FHIT: variants seen among roughly 807,000 people sequenced by gnomAD.
The protein encoded by FHIT is bis(5'-adenosyl)-triphosphatase.
Under a neutral mutation model 17.9 loss-of-function variants are expected in FHIT, and 19 were observed. The ratio of observed to expected loss-of-function variants is 1.06; its 90% confidence interval spans 0.74 to 1.56. The LOEUF (loss-of-function observed/expected upper bound fraction) is 1.56, where lower values mean the gene tolerates loss of function less well. Among genes scored for constraint, FHIT ranks in the 40% most tolerant of loss-of-function variants. FHIT has a pLI of 0.00. For missense variants in FHIT, 248 were observed against 189.2 expected (o/e 1.31, Z -1.82); for synonymous variants, 81 against 69.7 (o/e 1.16, Z -0.81).
In FHIT at chr3:60,569,755, A is replaced by ATTTTTTTTT. The variant is rs1553654909; in HGVS notation, c.-17-32785_-17-32777dup. ...TATATATATATATATATATATATATATTTTTTTTTTTTTTAGACAGAGTTT... is the reference window on the plus strand; with the variant it reads ...TATATATATATATATATATATATATATTTTTTTTTTTTTTTTTTTTTTTAGACAGAGTTT... On this transcript the variant is annotated intron_variant, in intron 4 of 9. Transcript: ENST00000492590. Among the ~76,000 whole-genome samples, 141 of 77,312 alleles carry ATTTTTTTTT rather than the reference A, an allele frequency of 1.8e-3. 2 individuals are homozygous for ATTTTTTTTT. Among genetic ancestry groups the ATTTTTTTTT allele is most frequent in the African/African-American group, 6.2e-3 (128 of 20,644 alleles). 50.7% of individuals were successfully genotyped at this position (77,312 alleles called of 152,430 possible).
intron 8 of FHIT, among the ~76,000 whole-genome samples, chr3:59,804,572 G>T (rs565842552): frequency 1.6e-4 from 25 of 152,194 alleles, no homozygotes; most frequent in Admixed American, 7.2e-4. Context: ...AATTTTTGGG[G>T]GTCTAAATAG....
At chr3:60,624,012 G>A (rs1294841596) in intron 4 of FHIT, among the ~76,000 whole-genome samples, 1 of 152,186 alleles carries the variant, frequency 6.6e-6, no homozygotes, top group Non-Finnish European at 1.5e-5. Context: ...AACATGCTAA[G>A]TACAATGTTA....
At chr3:60,995,298 G>T (rs138267183) in intron 3 of FHIT, among the ~76,000 whole-genome samples, 4 of 151,892 alleles carry the variant, frequency 2.6e-5, no homozygotes, top group Non-Finnish European at 4.4e-5. Flanking sequence ...CCAGCCTGGG[G>T]GACAGAGCGA....
At chr3:60,606,323 C>T (rs1215696654) in intron 4 of FHIT, among the ~76,000 whole-genome samples, 4 of 151,854 alleles carry the variant, frequency 2.6e-5, no homozygotes, top group East Asian at 1.9e-4. Context: ...TCACTGCAAC[C>T]TCTGCCTCCC....
Position 60,227,516 on chromosome 3 carries a change from T to C in FHIT, c.104-213364A>G, listed in dbSNP as rs190518650. Among the ~76,000 whole-genome samples the C allele has an allele frequency of 1.6e-4, 25 of 152,316 alleles. 1 individual carries two copies. The highest frequency in any genetic ancestry group is 3.1e-4 in the Non-Finnish European group (21 of 68,026). ...GGAATTTGAGGGCTGTCTTCAAATTTTGTGACACCTGTATTTTTTTCACCT... is the reference window on the plus strand; with the variant it reads ...GGAATTTGAGGGCTGTCTTCAAATTCTGTGACACCTGTATTTTTTTCACCT... On this transcript the variant is annotated intron_variant, in intron 5 of 9. Coordinates refer to ENST00000492590, the MANE Select transcript of FHIT (RefSeq NM_002012.4).
rs555799716 is a variant in FHIT, at chr3:60,169,089, A to T, written c.104-154937T>A. Among the ~76,000 whole-genome samples, 8 of 152,318 alleles carry T rather than the reference A, an allele frequency of 5.3e-5. No homozygotes were observed. The East Asian group carries it at 1.5e-3, about 29-fold the overall frequency. On this transcript the variant is annotated intron_variant, in intron 5 of 9. Transcript: ENST00000492590. Reference sequence around the variant, plus strand: ...AGGATTCTCTTCAACCAAATAAGAAAGTAAGTTTGGGTCAGCACATGCTAT... The same window carrying T: ...AGGATTCTCTTCAACCAAATAAGAATGTAAGTTTGGGTCAGCACATGCTAT...
Position 59,803,263 on chromosome 3 carries a change from C to T in FHIT, c.349-50942G>A, listed in dbSNP as rs565693151. ...CCCTCCCAATTTATAAAGACAGGGA[C>T]GAGGTAAATTTTTTTCCCAAGTTGT... is the stretch of plus-strand genomic sequence containing the variant. On this transcript the variant is annotated intron_variant, in intron 8 of 9. Coordinates refer to ENST00000492590, the MANE Select transcript of FHIT (RefSeq NM_002012.4). Among the ~76,000 whole-genome samples, 8 of 152,218 alleles carry T rather than the reference C, an allele frequency of 5.3e-5. No homozygotes were observed. In the South Asian group the frequency reaches 1.2e-3, roughly 24 times the overall value.
intron 5 of FHIT, among the ~76,000 whole-genome samples, chr3:60,118,953 G>A (rs991246643): frequency 2.6e-5 from 4 of 151,340 alleles, no homozygotes; most frequent in South Asian, 2.1e-4. Flanking sequence ...CGTGGGAGGC[G>A]GAGGTTGCAG....
chr3:60,940,537 A>G (rs1340375219), intron 3 of FHIT, among the ~76,000 whole-genome samples: 1 of 152,180 alleles, frequency 6.6e-6, no homozygotes, highest in Non-Finnish European at 1.5e-5. Context: ...TCCGAATCCA[A>G]TATACAAGTT....
intron 2 of FHIT, among the ~76,000 whole-genome samples, chr3:61,101,357 G>T (rs191971431): frequency 4.6e-5 from 7 of 152,286 alleles, no homozygotes; most frequent in East Asian, 1.9e-4. Context: ...GTGTGTCAAA[G>T]ATCAGATGGT....
chr3:61,210,928 C>T (rs544754401), intron 1 of FHIT, among the ~76,000 whole-genome samples: 1 of 152,076 alleles, frequency 6.6e-6, no homozygotes, highest in Non-Finnish European at 1.5e-5. Flanking sequence ...GGAACTGTTC[C>T]TATTCGGTCA....
At chr3:59,973,922 G>A (rs1387359134) in intron 7 of FHIT, among the ~76,000 whole-genome samples, 1 of 151,828 alleles carries the variant, frequency 6.6e-6, no homozygotes, top group Non-Finnish European at 1.5e-5. Context: ...GACCAGAGCA[G>A]CAGTACTTCA....
rs191385739 is a variant in FHIT at position 59,813,987 on chromosome 3, T to C, written c.349-61666A>G. ...ACCTGATGTCATAGTTGTCTGTCAC[T>C]GACAATTCTAAAAGGACGGATTCAT... On this transcript the variant is annotated intron_variant, in intron 8 of 9. Coordinates refer to ENST00000492590, the MANE Select transcript of FHIT (RefSeq NM_002012.4). Among the ~76,000 whole-genome samples, 48 of 151,530 alleles carry C rather than the reference T, an allele frequency of 3.2e-4. No homozygotes were observed. In the East Asian group the frequency reaches 8.2e-3, roughly 26 times the overall value.
In FHIT at chr3:60,271,270, G is replaced by A. The variant is rs181077238; in HGVS notation, c.104-257118C>T. Among the ~76,000 whole-genome samples the A allele has an allele frequency of 1.1e-3, 163 of 152,040 alleles. 1 individual carries two copies. The highest frequency in any genetic ancestry group is 3.7e-3 in the African/African-American group (153 of 41,486). On this transcript the variant is annotated intron_variant, in intron 5 of 9. Transcript: ENST00000492590. ...CTACAAAAATTAGCCAGGCATGGTGGCTCACATCTACACTCCCAGCTACTC... is the reference window on the plus strand; with the variant it reads ...CTACAAAAATTAGCCAGGCATGGTGACTCACATCTACACTCCCAGCTACTC...
intron 4 of FHIT, among the ~76,000 whole-genome samples, chr3:60,774,579 C>T (rs907138494): frequency 3.9e-5 from 6 of 152,178 alleles, no homozygotes; most frequent in Admixed American, 6.6e-5. Flanking sequence ...GGATTACAGG[C>T]ATGAGCCACT....
intron 7 of FHIT, among the ~76,000 whole-genome samples, chr3:59,985,315 G>A (rs189044236): frequency 2.6e-5 from 4 of 152,214 alleles, no homozygotes; most frequent in Admixed American, 1.3e-4. Flanking sequence ...TATCTGCACT[G>A]GCAGGGTAAG....
intron 4 of FHIT, among the ~76,000 whole-genome samples, chr3:60,595,907 G>A (rs1353687893): frequency 6.6e-6 from 1 of 151,886 alleles, no homozygotes; most frequent in Non-Finnish European, 1.5e-5. Context: ...TTATAGGTGT[G>A]AGCCACCATG....
intron 5 of FHIT, among the ~76,000 whole-genome samples, chr3:60,400,830 C>A (rs931652377): frequency 2.0e-5 from 3 of 151,908 alleles, no homozygotes; most frequent in African/African-American, 7.3e-5. Flanking sequence ...TTTTGTTAGT[C>A]TAAATTCAAA....
chr3:60,201,065 G>C (rs1702880046), intron 5 of FHIT, among the ~76,000 whole-genome samples: 1 of 152,240 alleles, frequency 6.6e-6, no homozygotes, highest in Admixed American at 6.5e-5. Context: ...AACGTGGGTG[G>C]AAAGTACTCA....
Sources: allele counts gnomAD v4.1 joint callset (sites outside exome capture counted in the v4.1 genomes callset), GRCh38; gene constraint gnomAD v4.1.1; transcripts MANE v1.5; gene names NCBI Gene and HGNC (gene_info 2026-07-23, HGNC 2026-07-21).